Variants in EIF4A1 observed in about 807,000 individuals in gnomAD.
EIF4A1 encodes the protein eukaryotic translation initiation factor 4A1.
Under a neutral mutation model 53.5 loss-of-function variants are expected in EIF4A1, and 11 were observed. The observed-to-expected ratio is 0.21, with a 90% CI of 0.13 to 0.34. The LOEUF (loss-of-function observed/expected upper bound fraction) is 0.34. EIF4A1 is among the 10% of genes least tolerant of loss of function. The probability of loss-of-function intolerance (pLI) is 1.00; values close to 1 mark genes in which losing one functional copy is unlikely to be tolerated. For synonymous variants in EIF4A1, 237 were observed against 186.7 expected (o/e 1.27, Z -2.20); for missense variants, 213 against 530.8 (o/e 0.40, Z 5.88).
At chr17:7,573,045 G>A (rs1260308450) in intron 1 of EIF4A1, among the ~76,000 whole-genome samples, 181 bp downstream of exon 1, 1 of 152,302 alleles carries the variant, frequency 6.6e-6, no homozygotes, top group Admixed American at 6.5e-5. Context: ...CCAGGTCGAG[G>A]CGGAGGGTAG....
intron 4 of EIF4A1, chr17:7,575,751 AAG>A: frequency 3.8e-6 from 1 of 262,702 alleles, no homozygotes; most frequent in East Asian, 8.9e-5. Context: ...TGGATAATGT[AAG>A]AAGTTACAGC....
rs151100396 is a variant in EIF4A1, at chr17:7,578,206, C to T, written c.1038C>T (p.Asn346=). 29 of 1,614,188 alleles carry T rather than the reference C, an allele frequency of 1.8e-5. No homozygotes were observed. The highest frequency in any genetic ancestry group is 1.6e-4 in the Middle Eastern group (1 of 6,062). Residue 346 remains asparagine, a synonymous_variant, in exon 10 of 11, where the codon AAC becomes AAT. Transcript: ENST00000293831. ...IDVQQVSLVI[N]YDLPTNRENY... is the part of the protein sequence containing the mutation. Reference sequence around the variant, plus strand: ...TGCAGCAGGTTTCTTTAGTCATCAACTATGACCTTCCCACCAACAGGGAAA... The same window carrying T: ...TGCAGCAGGTTTCTTTAGTCATCAATTATGACCTTCCCACCAACAGGGAAA...
At position 7,572,827 on chromosome 17, in the gene EIF4A1, T is replaced by C. The variant is rs759851542; in HGVS notation, c.-15T>C. On this transcript the variant is annotated 5_prime_UTR_variant, in exon 1 of 11. Transcript: ENST00000293831. ...TTGTCGATAGGCGGGCACTCCGCCC[T>C]AGTTTCTAAGGATCATGTCTGCGAG... The C allele has an allele frequency of 2.5e-6, 4 of 1,614,036 alleles. No individual in the cohort carries two copies. The highest frequency in any genetic ancestry group is 1.1e-5 in the South Asian group (1 of 91,092).
chr17:7,574,828 T>C (rs755284919), intron 3 of EIF4A1, 150 bp downstream of exon 3: 1 of 1,337,198 alleles, frequency 7.5e-7, no homozygotes, highest in Non-Finnish European at 1.1e-6. Flanking sequence ...CCATGCCTGG[T>C]TCATGCCTTG....
In EIF4A1 at chr17:7,577,796, T is replaced by C. The variant is rs761679768; in HGVS notation, c.907-31T>C. The C allele has an allele frequency of 6.2e-7, 1 of 1,614,148 alleles. No homozygotes were observed. The highest frequency in any genetic ancestry group is 8.5e-7 in the Non-Finnish European group (1 of 1,180,014). On this transcript the variant is annotated intron_variant, in intron 8 of 10. Coordinates refer to ENST00000293831, the MANE Select transcript of EIF4A1 (RefSeq NM_001416.4). This position sits in a 1 kb window ranked among gnomAD's most constrained non-coding sequence, Gnocchi z 4.7. ...GGTTCCTGGAACCCAGGTGCCTACC[T>C]GGTCTGCTGCATATTTGTTTTCTCT...
At chr17:7,573,245 G>T (rs979683292) in intron 1 of EIF4A1, 2 of 383,430 alleles carry the variant, frequency 5.2e-6, no homozygotes. Context: ...TGTGCCGGGG[G>T]AGGGACGGCG....
At chr17:7,574,845 TAGGTTTCCTTTA>T (rs748883348) in intron 3 of EIF4A1, 167 bp downstream of exon 3, 1 of 1,220,726 alleles carries the variant, frequency 8.2e-7, no homozygotes, top group Admixed American at 1.7e-5. Flanking sequence ...CTTGGACACA[TAGGTTTCCTTTA>T]AAGAGGTGGT....
Position 7,577,756 on chromosome 17 carries a change from C to T in EIF4A1, c.906+50C>T, listed in dbSNP as rs2071420986. ...TTGTGGGTCTGCCCGTCAGAAGTGTCCTACTTGAAGCCAGGGTTCCTGGAA... is the reference window on the plus strand; with the variant it reads ...TTGTGGGTCTGCCCGTCAGAAGTGTTCTACTTGAAGCCAGGGTTCCTGGAA... On this transcript the variant is annotated intron_variant, in intron 8 of 10. Coordinates refer to ENST00000293831, the MANE Select transcript of EIF4A1 (RefSeq NM_001416.4). The surrounding 1 kb of genome is among the most constrained non-coding windows in gnomAD (Gnocchi z 4.7). The T allele has an allele frequency of 2.5e-6, 4 of 1,613,726 alleles. No homozygotes were observed. Among genetic ancestry groups the T allele is most frequent in the East Asian group, 2.2e-5 (1 of 44,856 alleles).
In EIF4A1 at chr17:7,578,783, C is replaced by G. The variant is rs189726598; in HGVS notation, c.*297C>G. 1 of 229,246 alleles carries G rather than the reference C, an allele frequency of 4.4e-6. No homozygotes were observed. The highest frequency in any genetic ancestry group is 2.3e-5 in the African/African-American group (1 of 43,852). The allele number at this position is 229,246 out of a possible 1,614,324, so 14.2% of individuals were successfully genotyped here. On this transcript the variant is annotated 3_prime_UTR_variant, in exon 11 of 11. Coordinates refer to ENST00000293831, the MANE Select transcript of EIF4A1 (RefSeq NM_001416.4). Reference sequence around the variant, plus strand: ...AGGCTCTCCTCACCTCAGCTGAGCTCCTTTGAAAGTGATTCAAGGGACTAT... The same window carrying G: ...AGGCTCTCCTCACCTCAGCTGAGCTGCTTTGAAAGTGATTCAAGGGACTAT...
At chr17:7,576,958 A>T (rs1398693688) in intron 5 of EIF4A1, 98 bp from the exon 6 acceptor site, 1 of 1,437,648 alleles carries the variant, frequency 7.0e-7, no homozygotes. Flanking sequence ...AGAGCAGACT[A>T]CTTGGCTCCT....
intron 1 of EIF4A1, 30 bp downstream of exon 1, chr17:7,572,894 C>G: frequency 3.1e-6 from 5 of 1,614,162 alleles, no homozygotes; most frequent in Non-Finnish European, 4.2e-6. Context: ...GAGATTGTGG[C>G]TGCTTATTTT....
rs749684577 is a variant in EIF4A1, at chr17:7,576,616, A to G, written c.438A>G (p.Lys146=). Residue 146 remains lysine (K), a synonymous_variant, in exon 5 of 11, where the codon AAA becomes AAG. Transcript: ENST00000293831. ...GGTNVRAEVQ[K]LQMEAPHIIV... ...CCAACGTGCGTGCTGAGGTGCAGAA[A>G]CTGCAGATGGAAGCTCCCCACATCA... is the stretch of plus-strand genomic sequence containing the variant. 1.4e-4 allele frequency: 229 copies of G among 1,613,980 alleles called. No homozygotes were observed. Among genetic ancestry groups the G allele is most frequent in the Non-Finnish European group, 1.9e-4 (224 of 1,180,004 alleles).
Position 7,577,557 on chromosome 17 carries a change from C to T in EIF4A1, c.769-12C>T. 6.2e-7 allele frequency: 1 copy of T among 1,612,438 alleles called. No individual in the cohort carries two copies. Among genetic ancestry groups the T allele is most frequent in the Non-Finnish European group, 8.5e-7 (1 of 1,179,058 alleles). Reference sequence around the variant, plus strand: ...TATAGCCCCTGACTGATTTTTGTCCCCCAACCTCCAGGAGTGGAAGCTGGA... The same window carrying T: ...TATAGCCCCTGACTGATTTTTGTCCTCCAACCTCCAGGAGTGGAAGCTGGA... On this transcript the variant is annotated splice_polypyrimidine_tract_variant and intron_variant, in intron 7 of 10. Coordinates refer to ENST00000293831, the MANE Select transcript of EIF4A1 (RefSeq NM_001416.4). The surrounding 1 kb of genome is among the most constrained non-coding windows in gnomAD (Gnocchi z 4.7).
chr17:7,574,813 C>T (rs370751392), intron 3 of EIF4A1, 135 bp downstream of exon 3: 27 of 1,431,702 alleles, frequency 1.9e-5, no homozygotes, highest in South Asian at 5.7e-5. Flanking sequence ...GCTTTTGATC[C>T]GTGCCCATGC....
chr17:7,578,276 C>T (rs768075454), intron 10 of EIF4A1, 32 bp downstream of exon 10: 4 of 1,614,090 alleles, frequency 2.5e-6, no homozygotes, highest in African/African-American at 1.3e-5. Flanking sequence ...TCCCCTACCC[C>T]TTCACACCTG....
chr17:7,578,017 T>G (rs760653397), intron 9 of EIF4A1, 101 bp downstream of exon 9: 2 of 1,578,378 alleles, frequency 1.3e-6, no homozygotes, highest in South Asian at 2.2e-5. Context: ...CAGCTTGGAA[T>G]AGAATCTGGC....
At chr17:7,576,093 C>T (rs2071397849) in intron 4 of EIF4A1, 1 of 155,024 alleles carries the variant, frequency 6.5e-6, no homozygotes, top group African/African-American at 2.4e-5. Flanking sequence ...GAATTTAACC[C>T]AGGAGGTGGA....
At chr17:7,575,072 A>G (rs1026696660) in intron 3 of EIF4A1, 47 bp from the exon 4 acceptor site, 2 of 1,607,118 alleles carry the variant, frequency 1.2e-6, no homozygotes, top group Non-Finnish European at 1.7e-6. Context: ...TGAATATCCC[A>G]AAGGGTATGC....
rs1385197668 is a variant in EIF4A1, at chr17:7,577,927, G to A, written c.996+11G>A. ...ACCACTGACCTGCTGGTGAGTAGAG[G>A]GAACTGATAGCAAAGGCAGAAGGGA... On this transcript the variant is annotated intron_variant, in intron 9 of 10. Coordinates refer to ENST00000293831, the MANE Select transcript of EIF4A1 (RefSeq NM_001416.4). The surrounding 1 kb of genome is among the most constrained non-coding windows in gnomAD (Gnocchi z 4.7). 6 of 1,614,134 alleles carry A rather than the reference G, an allele frequency of 3.7e-6. No homozygotes were observed. Among genetic ancestry groups the A allele is most frequent in the Non-Finnish European group, 5.1e-6 (6 of 1,179,980 alleles).
Sources: gnomAD v4.1 joint callset for allele counts (sites outside exome capture counted in the v4.1 genomes callset) on GRCh38, gnomAD v4.1.1 for gene constraint, Gnocchi (gnomAD v3.1) non-coding constraint, MANE v1.5 for transcripts, NCBI Gene and HGNC (gene_info 2026-07-23, HGNC 2026-07-21) for gene names.